The following CNOT11 variants were observed in gnomAD, a reference collection of about 807,000 sequenced individuals.
The protein encoded by CNOT11 is CCR4-NOT transcription complex subunit 11, also known as UPF0760 protein C2orf29.
A neutral mutation model predicts 44.6 loss-of-function variants in CNOT11; 18 were observed. The observed-to-expected ratio is 0.40, with a 90% CI of 0.28 to 0.60. CNOT11 has a LOEUF of 0.60. Ranked by LOEUF, CNOT11 falls within the 20% of genes least tolerant of loss-of-function variation. CNOT11 has a pLI of 0.38. For synonymous variants in CNOT11, 291 were observed against 270.9 expected (o/e 1.07, Z -0.73); for missense variants, 513 against 677.0 (o/e 0.76, Z 2.69).
At chr2:101,256,155 G>A (rs1558766369) in intron 1 of CNOT11, among the ~76,000 whole-genome samples, 1 of 150,996 alleles carries the variant, frequency 6.6e-6, no homozygotes, top group Non-Finnish European at 1.5e-5. Flanking sequence ...AAAAAATAGT[G>A]TAGAAGTTGA....
intron 3 of CNOT11, among the ~76,000 whole-genome samples, chr2:101,262,988 G>A (rs897497333): frequency 1.3e-5 from 2 of 152,154 alleles, no homozygotes; most frequent in Non-Finnish European, 2.9e-5. Context: ...TTGGGAGGCC[G>A]AGGCAGGTGG....
intron 4 of CNOT11, among the ~76,000 whole-genome samples, chr2:101,265,528 T>A (rs1681961956): frequency 6.6e-6 from 1 of 152,174 alleles, no homozygotes; most frequent in African/African-American, 2.4e-5. Flanking sequence ...TGAAGCTTTG[T>A]TCTACTCTTT....
chr2:101,264,750 A>C, intron 3 of CNOT11, 95 bp from the exon 4 acceptor site: 1 of 966,020 alleles, frequency 1.0e-6, no homozygotes, highest in Non-Finnish European at 1.6e-6. Context: ...ATCCTTATTA[A>C]GAGATTTCTT....
At chr2:101,255,448 T>C (rs1681717171) in intron 1 of CNOT11, among the ~76,000 whole-genome samples, 1 of 151,722 alleles carries the variant, frequency 6.6e-6, no homozygotes, top group South Asian at 2.1e-4. Context: ...TGAGCCAAGA[T>C]TGTGCCACTG....
At chr2:101,260,621 G>A (rs1681834022) in intron 2 of CNOT11, among the ~76,000 whole-genome samples, 1 of 152,124 alleles carries the variant, frequency 6.6e-6, no homozygotes, top group African/African-American at 2.4e-5. Flanking sequence ...GGCATCCGTG[G>A]ACCAAAGGTG....
In CNOT11 at chr2:101,253,056, G is replaced by C. The variant is rs1237401472; in HGVS notation, c.92G>C (p.Arg31Thr). 1.3e-6 allele frequency: 2 copies of C among 1,517,554 alleles called. No individual in the cohort carries two copies. Among genetic ancestry groups the C allele is most frequent in the Non-Finnish European group, 1.8e-6 (2 of 1,138,460 alleles). The allele number at this position is 1,517,554 out of a possible 1,614,324, so 94.0% of individuals were successfully genotyped here. A position where few individuals can be genotyped will look rare whatever the true frequency, so the allele number is the denominator to read the frequency against. Residue 31 changes from arginine to threonine, a missense_variant, in exon 1 of 7, where the codon AGG becomes ACG. Around this residue, in one of 4 missense-constraint regions of CNOT11, gnomAD observed 259 missense variants for 265.7 expected, o/e 0.97. Coordinates refer to ENST00000289382, the MANE Select transcript of CNOT11 (RefSeq NM_017546.5). This position sits in a 1 kb window ranked among gnomAD's most constrained non-coding sequence, Gnocchi z 4.3. ...GSREAAGSAS[R>T]SGFGGSGGGR... ...CGGGAAGCGGCAGGGTCGGCGTCCA[G>C]GAGCGGCTTCGGGGGCTCCGGCGGC... is the stretch of plus-strand genomic sequence containing the variant.
chr2:101,252,932 C>T lies in CNOT11; in HGVS notation c.-33C>T. 1.0e-5 allele frequency: 14 copies of T among 1,404,666 alleles called. No individual in the cohort carries two copies. The highest frequency in any genetic ancestry group is 1.3e-5 in the Non-Finnish European group (14 of 1,089,798). 87.0% of individuals were successfully genotyped at this position (1,404,666 alleles called of 1,614,324 possible). On this transcript the variant is annotated 5_prime_UTR_variant, in exon 1 of 7. Transcript: ENST00000289382. ...GGAGCGAGCCGGCGCCAGGGCCCCT[C>T]GGGCCGGGAAGAGGGGAAGGGGAGC...
At chr2:101,268,347 C>T (rs774406825) in intron 5 of CNOT11, among the ~76,000 whole-genome samples, 3 of 152,236 alleles carry the variant, frequency 2.0e-5, no homozygotes, top group African/African-American at 2.4e-5. Flanking sequence ...CTCTACCAGA[C>T]ATTTGGCCCT....
intron 2 of CNOT11, 77 bp from the exon 3 acceptor site, chr2:101,262,462 T>C (rs1056352820): frequency 4.1e-5 from 55 of 1,341,918 alleles, no homozygotes; most frequent in Admixed American, 2.0e-4. Flanking sequence ...CTGTTACAGA[T>C]AGCTTGCCTC....
rs1040905691 is a variant in CNOT11 at position 101,253,698 on chromosome 2, A to G, written c.514+220A>G. Among the ~76,000 whole-genome samples, 11 of 152,214 alleles carry G rather than the reference A, an allele frequency of 7.2e-5. No individual in the cohort carries two copies. Among genetic ancestry groups the G allele is most frequent in the South Asian group, 2.1e-4 (1 of 4,832 alleles). On this transcript the variant is annotated intron_variant, in intron 1 of 6. Transcript: ENST00000289382. The surrounding 1 kb of genome is among the most constrained non-coding windows in gnomAD (Gnocchi z 4.3). ...TTAATTGCAAGTTCGTGACACCGAA[A>G]ATGATTTCTCTATACACCCCATCAC...
intron 1 of CNOT11, among the ~76,000 whole-genome samples, chr2:101,254,340 G>C (rs1291249851): frequency 6.6e-6 from 1 of 152,134 alleles, no homozygotes; most frequent in Non-Finnish European, 1.5e-5. Context: ...GTGAGTCAAG[G>C]CTAGGCAGTA....
At chr2:101,257,674 T>G (rs1233722774) in intron 1 of CNOT11, 117 bp from the exon 2 acceptor site, 2 of 730,344 alleles carry the variant, frequency 2.7e-6, no homozygotes, top group African/African-American at 3.5e-5. Context: ...TTAATCATAA[T>G]TTAGTTCTTA....
rs1558769598 is a variant in CNOT11, at chr2:101,266,259, G to C, written c.1036-418G>C. ...TCTCAGGTATTTCTGGTCTCCACCT[G>C]GGTGGGGTGGGGCAGGACTGTTTCT... On this transcript the variant is annotated intron_variant, in intron 4 of 6. Coordinates refer to ENST00000289382, the MANE Select transcript of CNOT11 (RefSeq NM_017546.5). Among the ~76,000 whole-genome samples, 4 of 152,238 alleles carry C rather than the reference G, an allele frequency of 2.6e-5. No individual in the cohort carries two copies. The South Asian group carries it at 6.2e-4, about 24-fold the overall frequency.
At chr2:101,264,566 A>G (rs553647607) in intron 3 of CNOT11, among the ~76,000 whole-genome samples, 1 of 152,222 alleles carries the variant, frequency 6.6e-6, no homozygotes, top group Non-Finnish European at 1.5e-5. Context: ...GCTCAAGTGC[A>G]GCATGGGCAG....
intron 2 of CNOT11, among the ~76,000 whole-genome samples, chr2:101,261,347 T>C (rs185769197): frequency 6.6e-6 from 1 of 152,306 alleles, no homozygotes; most frequent in East Asian, 1.9e-4. Context: ...GTGCCTTCCT[T>C]CTGTTGGGGG....
chr2:101,263,204 C>G (rs935453773), intron 3 of CNOT11, among the ~76,000 whole-genome samples: 12 of 150,956 alleles, frequency 7.9e-5, no homozygotes, highest in African/African-American at 1.2e-4. Flanking sequence ...GAGTGAGATT[C>G]TGTCTCAAAA....
In CNOT11 at chr2:101,253,417, C is replaced by T. The variant is rs200029813; in HGVS notation, c.453C>T (p.His151=). Residue 151 remains histidine, a synonymous_variant, in exon 1 of 7, where the codon CAC becomes CAT. Transcript: ENST00000289382. This position sits in a 1 kb window ranked among gnomAD's most constrained non-coding sequence, Gnocchi z 4.3. Reference sequence around the variant, plus strand: ...ACCCCTTCGCCGCCAGCTTCGCGCACCTGCTCAACCCCGCGCCGCCCGCCC... The same window carrying T: ...ACCCCTTCGCCGCCAGCTTCGCGCATCTGCTCAACCCCGCGCCGCCCGCCC... ...AANPFAASFA[H]LLNPAPPARG... is the part of the protein sequence containing the mutation. The T allele has an allele frequency of 4.8e-5, 75 of 1,575,808 alleles. No individual in the cohort carries two copies. Among genetic ancestry groups the T allele is most frequent in the Non-Finnish European group, 6.3e-5 (74 of 1,169,660 alleles).
At chr2:101,266,326 C>T (rs990209163) in intron 4 of CNOT11, among the ~76,000 whole-genome samples, 15 of 151,628 alleles carry the variant, frequency 9.9e-5, no homozygotes, top group Non-Finnish European at 2.1e-4. Flanking sequence ...TTAGTTACAA[C>T]AGATGACAGA....
At chr2:101,268,907 T>C in intron 5 of CNOT11, 133 bp from the exon 6 acceptor site, 1 of 608,340 alleles carries the variant, frequency 1.6e-6, no homozygotes, top group South Asian at 2.2e-5. Flanking sequence ...CCCAAGTATA[T>C]TTAAAACTAG....
Sources: allele counts gnomAD v4.1 joint callset (sites outside exome capture counted in the v4.1 genomes callset), GRCh38; gene constraint gnomAD v4.1.1; regional missense constraint gnomAD v4.1.1; non-coding constraint Gnocchi (gnomAD v3.1); transcripts MANE v1.5; gene names NCBI Gene and HGNC (gene_info 2026-07-23, HGNC 2026-07-21).